Variants in ZBED4 observed in about 807,000 individuals in gnomAD.
The protein encoded by ZBED4 is zinc finger BED-type containing 4.
A neutral mutation model predicts 15.5 loss-of-function variants in ZBED4; 4 were observed. The observed-to-expected ratio is 0.26, with a 90% CI of 0.13 to 0.59. The LOEUF is 0.59. Among genes scored for constraint, ZBED4 ranks in the 20% least tolerant of loss-of-function variants. The pLI is 0.90. For synonymous variants in ZBED4, 692 were observed against 608.5 expected, an observed-to-expected ratio of 1.14 and a Z score of -2.02; for missense variants, 1,323 against 1,461.8, an observed-to-expected ratio of 0.91 and a Z score of 1.55.
Position 49,886,403 on chromosome 22 carries a change from T to A in ZBED4, c.2741T>A (p.Val914Asp). 6.2e-7 allele frequency: 1 copy of A among 1,605,876 alleles called. No homozygotes were observed. Among genetic ancestry groups the A allele is most frequent in the Non-Finnish European group, 8.5e-7 (1 of 1,174,274 alleles). Residue 914 changes from valine (V) to aspartate (D), a missense_variant, in exon 2 of 2, where the codon GTC (valine) becomes GAC (aspartate). Coordinates refer to ENST00000216268, the MANE Select transcript of ZBED4 (RefSeq NM_014838.3). This position sits in a 1 kb window ranked among gnomAD's most constrained non-coding sequence, Gnocchi z 7.7. Reference sequence around the variant, plus strand: ...AAAAGGGCCATTAACGAGATGTCCGTCGAGTGTAACTTCCGAGAGCTGATC... The same window carrying A: ...AAAAGGGCCATTAACGAGATGTCCGACGAGTGTAACTTCCGAGAGCTGATC... ...EQKRAINEMS[V>D]ECNFRELISC...
chr22:49,888,570 A>C lies in ZBED4; in HGVS notation c.*1392A>C, dbSNP rs1238567544. Reference sequence around the variant, plus strand: ...TCACCTTAACCCCAGACAGGGCTCCAGGGAAGTGGAGATGTAATTCTTACA... The same window carrying C: ...TCACCTTAACCCCAGACAGGGCTCCCGGGAAGTGGAGATGTAATTCTTACA... On this transcript the variant is annotated 3_prime_UTR_variant, in exon 2 of 2. Coordinates refer to ENST00000216268, the MANE Select transcript of ZBED4 (RefSeq NM_014838.3). 1 of 167,300 alleles carries C rather than the reference A, an allele frequency of 6.0e-6. No homozygotes were observed. The allele number at this position is 167,300 out of a possible 1,614,324, so 10.4% of individuals were successfully genotyped here.
intron 1 of ZBED4, among the ~76,000 whole-genome samples, chr22:49,859,577 T>C (rs2060288539): frequency 6.6e-6 from 1 of 152,224 alleles, no homozygotes; most frequent in South Asian, 2.1e-4. Flanking sequence ...GAAAGGCATC[T>C]GGACACCGAG....
chr22:49,873,082 T>C (rs1172540772), intron 1 of ZBED4, among the ~76,000 whole-genome samples: 2 of 152,214 alleles, frequency 1.3e-5, no homozygotes, highest in Non-Finnish European at 2.9e-5. Context: ...CCACCTGCCT[T>C]GGCCTCCCAA....
intron 1 of ZBED4, among the ~76,000 whole-genome samples, chr22:49,857,474 C>A (rs998499192): frequency 6.6e-5 from 10 of 152,322 alleles, no homozygotes; most frequent in African/African-American, 2.2e-4. Context: ...TGGAAGGTGC[C>A]GTTTCCAAGA....
intron 1 of ZBED4, among the ~76,000 whole-genome samples, chr22:49,869,430 C>G (rs1001482158): frequency 9.2e-5 from 14 of 152,326 alleles, no homozygotes; most frequent in East Asian, 3.9e-4. Context: ...GGAGAACACT[C>G]TTGCGTGGAC....
At chr22:49,873,716 C>A (rs1167045959) in intron 1 of ZBED4, among the ~76,000 whole-genome samples, 1 of 152,132 alleles carries the variant, frequency 6.6e-6, no homozygotes, top group Non-Finnish European at 1.5e-5. Flanking sequence ...TTGGGTCTTC[C>A]CACCTCATCA....
intron 1 of ZBED4, among the ~76,000 whole-genome samples, chr22:49,863,024 G>C (rs1174557398): frequency 1.3e-5 from 2 of 152,018 alleles, no homozygotes; most frequent in Non-Finnish European, 2.9e-5. Flanking sequence ...TGAATCTACA[G>C]GTTACATTAT....
intron 1 of ZBED4, among the ~76,000 whole-genome samples, chr22:49,877,766 T>C (rs4824107): frequency 0.92 from 140,270 of 152,074 alleles, 64,797 homozygotes; most frequent in African/African-American, 0.98. Context: ...ATCCTGCAGG[T>C]GGCATGGACA....
At chr22:49,872,334 A>G (rs1280381994) in intron 1 of ZBED4, among the ~76,000 whole-genome samples, 2 of 152,144 alleles carry the variant, frequency 1.3e-5, no homozygotes, top group East Asian at 3.9e-4. Flanking sequence ...GTTTTATCCT[A>G]AGAGTACAGC....
At chr22:49,882,448 C>T (rs540670818) in intron 1 of ZBED4, among the ~76,000 whole-genome samples, 8 of 152,308 alleles carry the variant, frequency 5.3e-5, no homozygotes, top group African/African-American at 1.9e-4. Context: ...TTTCTAGAGT[C>T]TGGTTTTATT....
intron 1 of ZBED4, among the ~76,000 whole-genome samples, chr22:49,858,459 G>A (rs537210479): frequency 6.6e-6 from 1 of 152,314 alleles, no homozygotes; most frequent in Admixed American, 6.5e-5. Flanking sequence ...TTGAGAGTGC[G>A]TGTGCTCTGA....
chr22:49,864,950 C>CCCCCCCCCCCG (rs199801448), intron 1 of ZBED4, among the ~76,000 whole-genome samples: 1 of 74,736 alleles, frequency 1.3e-5, no homozygotes. Context: ...CCCCCCCCCC[C>CCCCCCCCCCCG]CCGTGAAGTC....
In ZBED4 at chr22:49,883,654, T is replaced by C. The variant is rs1230086416; in HGVS notation, c.-9T>C. The C allele has an allele frequency of 6.5e-7, 1 of 1,547,842 alleles. No homozygotes were observed. Among genetic ancestry groups the C allele is most frequent in the East Asian group, 2.3e-5 (1 of 44,094 alleles). On this transcript the variant is annotated 5_prime_UTR_variant, in exon 2 of 2. It removes an upstream start codon present in the reference 5' UTR. Coordinates refer to ENST00000216268, the MANE Select transcript of ZBED4 (RefSeq NM_014838.3). ...ACCTAAGATACAGCCGGAGTAGTTA[T>C]GGTCAGTCATGGAGAATAACTTGAA...
In ZBED4 at chr22:49,884,738, T is replaced by C. The variant is rs1400655027; in HGVS notation, c.1076T>C (p.Leu359Pro). ...CTGTACTCCACCCCTCCCACTCTGC[T>C]GCCTTCCTTGCTGCCGCCGGAGGGG... is the stretch of plus-strand genomic sequence containing the variant. Reference protein sequence around the residue: ...PPLYSTPPTLLPSLLPPEGEL... With the variant: ...PPLYSTPPTLPPSLLPPEGEL... The change falls in exon 2 of 2, where the codon CTG becomes CCG. Residue 359 changes from leucine to proline, a missense_variant. Leu to Pro is a moderately conservative substitution (Grantham distance 98). Coordinates refer to ENST00000216268, the MANE Select transcript of ZBED4 (RefSeq NM_014838.3). The C allele has an allele frequency of 6.3e-7, 1 of 1,593,196 alleles. No homozygotes were observed. Among genetic ancestry groups the C allele is most frequent in the Non-Finnish European group, 8.6e-7 (1 of 1,167,284 alleles).
chr22:49,886,299 G>T lies in ZBED4; in HGVS notation c.2637G>T (p.Leu879=). Reference sequence around the variant, plus strand: ...CCGAGCTGCAGAGGGAGTACGCGCTGCCTCAGCATCACCTCATCCAGGACG... The same window carrying T: ...CCGAGCTGCAGAGGGAGTACGCGCTTCCTCAGCATCACCTCATCCAGGACG... ...KLAELQREYA[L]PQHHLIQDVP... The change falls in exon 2 of 2, where the codon CTG becomes CTT. Residue 879 remains leucine (L), a synonymous_variant. Coordinates refer to ENST00000216268, the MANE Select transcript of ZBED4 (RefSeq NM_014838.3). This position sits in a 1 kb window ranked among gnomAD's most constrained non-coding sequence, Gnocchi z 7.7. 1 of 1,524,262 alleles carries T rather than the reference G, an allele frequency of 6.6e-7. No individual in the cohort carries two copies. Among genetic ancestry groups the T allele is most frequent in the East Asian group, 2.3e-5 (1 of 44,148 alleles). 94.4% of individuals were successfully genotyped at this position (1,524,262 alleles called of 1,614,324 possible).
chr22:49,881,417 TCA>T (rs1436226722), intron 1 of ZBED4, among the ~76,000 whole-genome samples: 2 of 152,228 alleles, frequency 1.3e-5, no homozygotes, highest in African/African-American at 4.8e-5. Context: ...AGATAGGATC[TCA>T]CTGTTGGCCA....
chr22:49,859,576 C>T (rs990234343), intron 1 of ZBED4, among the ~76,000 whole-genome samples: 1 of 152,174 alleles, frequency 6.6e-6, no homozygotes, highest in Non-Finnish European at 1.5e-5. Context: ...AGAAAGGCAT[C>T]TGGACACCGA....
Position 49,885,083 on chromosome 22 carries a change from A to G in ZBED4, c.1421A>G (p.Lys474Arg), listed in dbSNP as rs771253063. The G allele has an allele frequency of 6.2e-7, 1 of 1,613,488 alleles. No individual in the cohort carries two copies. The highest frequency in any genetic ancestry group is 8.5e-7 in the Non-Finnish European group (1 of 1,179,652). Residue 474 changes from lysine (K) to arginine (R), a missense_variant, in exon 2 of 2, where the codon AAG becomes AGG. Physicochemically the swap from Lys to Arg is conservative, Grantham distance 26 (BLOSUM62 2). This residue lies in a region of ZBED4 where 429 missense variants were observed against 397.9 expected (regional missense o/e 1.08). Transcript: ENST00000216268. ...HFSLAPMDSL[K>R]AECRYCGCAI... ...TCCCTGGCCCCCATGGACAGCCTCAAGGCCGAGTGTCGGTACTGCGGCTGT... is the reference window on the plus strand; with the variant it reads ...TCCCTGGCCCCCATGGACAGCCTCAGGGCCGAGTGTCGGTACTGCGGCTGT...
intron 1 of ZBED4, among the ~76,000 whole-genome samples, chr22:49,869,618 A>G (rs1363766290): frequency 6.6e-6 from 1 of 152,136 alleles, no homozygotes; most frequent in Non-Finnish European, 1.5e-5. Context: ...GTTTCTCTTA[A>G]AAAGTCAGCA....
Sources: gnomAD v4.1 joint callset for allele counts (sites outside exome capture counted in the v4.1 genomes callset) on GRCh38, gnomAD v4.1.1 for gene constraint, gnomAD v4.1.1 regional missense constraint, Gnocchi (gnomAD v3.1) non-coding constraint, MANE v1.5 for transcripts, NCBI Gene and HGNC (gene_info 2026-07-23, HGNC 2026-07-21) for gene names.